L3MBTL4: variants seen among roughly 807,000 people sequenced by gnomAD.
L3MBTL4 encodes L3MBTL histone methyl-lysine binding protein 4.
A neutral mutation model predicts 84.5 loss-of-function variants in L3MBTL4; 70 were observed. The observed-to-expected ratio is 0.83, with a 90% CI of 0.68 to 1.01. The LOEUF (loss-of-function observed/expected upper bound fraction) is 1.01. Among genes scored for constraint, L3MBTL4 ranks in the 50% least tolerant of loss-of-function variants. The pLI, the probability that L3MBTL4 is intolerant of heterozygous loss-of-function variation, is 0.00. For synonymous variants in L3MBTL4, 274 were observed against 259.8 expected (o/e 1.05, Z -0.52); for missense variants, 715 against 754.8 (o/e 0.95, Z 0.62).
intron 13 of L3MBTL4, among the ~76,000 whole-genome samples, chr18:6,144,364 C>T (rs2042559385): frequency 6.6e-6 from 1 of 152,166 alleles, no homozygotes; most frequent in Admixed American, 6.5e-5. Context: ...CTTGCTATAT[C>T]AAGCAGCATG....
chr18:6,118,053 C>G (rs2059409006), intron 14 of L3MBTL4, among the ~76,000 whole-genome samples: 1 of 152,102 alleles, frequency 6.6e-6, no homozygotes, highest in Admixed American at 6.5e-5. Flanking sequence ...TACAAAGTCT[C>G]AGAACCAAGT....
intron 1 of L3MBTL4, among the ~76,000 whole-genome samples, chr18:6,324,011 C>A (rs966305073): frequency 6.6e-6 from 1 of 152,372 alleles, no homozygotes; most frequent in Middle Eastern, 3.4e-3. Context: ...CCTCAGGACA[C>A]TGCTCCCTGC....
intron 10 of L3MBTL4, among the ~76,000 whole-genome samples, chr18:6,221,899 TA>T (rs1414824677): frequency 6.6e-6 from 1 of 152,194 alleles, no homozygotes; most frequent in Non-Finnish European, 1.5e-5. Flanking sequence ...GTCATTCTGC[TA>T]GTAGGTTCTG....
intron 16 of L3MBTL4, among the ~76,000 whole-genome samples, chr18:6,005,369 A>T (rs904497958): frequency 5.3e-5 from 8 of 152,140 alleles, no homozygotes; most frequent in African/African-American, 1.7e-4. Flanking sequence ...AAAGGAGCAC[A>T]TGTACGGGTT....
rs544252399 is a variant in L3MBTL4 at position 6,165,358 on chromosome 18, C to T, written c.1096+6470G>A. ...CCACAAAGATACTCCTCGAGAAGAG[C>T]AATTCCAAGACACATAATTGTCAGA... On this transcript the variant is annotated intron_variant, in intron 13 of 18. Coordinates refer to ENST00000317931, the MANE Select transcript of L3MBTL4 (RefSeq NM_001330559.2). Among the ~76,000 whole-genome samples the T allele has an allele frequency of 7.9e-5, 12 of 152,238 alleles. No individual in the cohort carries two copies. In the East Asian group the frequency reaches 2.1e-3, roughly 27 times the overall value.
chr18:6,066,229 T>C (rs2057394423), intron 16 of L3MBTL4, among the ~76,000 whole-genome samples: 1 of 152,186 alleles, frequency 6.6e-6, no homozygotes, highest in Non-Finnish European at 1.5e-5. Context: ...ACCCTTGTTA[T>C]GATTTCGATT....
rs202201636 is a variant in L3MBTL4, at chr18:6,344,727, CAT to C, written c.-90-32673_-90-32672del. ...TCCCTGGTATGCAAGGATGGTTCAA[CAT>C]ATCAAAATCAATAAATGTCATATGC... On this transcript the variant is annotated intron_variant, in intron 1 of 18. Transcript: ENST00000317931. Among the ~76,000 whole-genome samples the C allele has an allele frequency of 9.3e-3, 1,418 of 152,160 alleles. 23 individuals carry two copies. The highest frequency in any genetic ancestry group is 0.031 in the African/African-American group (1,292 of 41,496).
Position 6,191,800 on chromosome 18 carries a change from C to T in L3MBTL4, c.982-19858G>A, listed in dbSNP as rs375923584. On this transcript the variant is annotated intron_variant, in intron 12 of 18. Coordinates refer to ENST00000317931, the MANE Select transcript of L3MBTL4 (RefSeq NM_001330559.2). ...TCCAGGAGTTCAAGACCAGCCTGCA[C>T]ACCATAATGGGACCTTTGTCACTAC... 2.2e-3 allele frequency among the ~76,000 whole-genome samples: 336 copies of T among 152,144 alleles called. 4 individuals carry two copies. The highest frequency in any genetic ancestry group is 7.7e-3 in the African/African-American group (321 of 41,500).
chr18:6,271,075 C>T (rs565483845), intron 4 of L3MBTL4, among the ~76,000 whole-genome samples: 22 of 152,202 alleles, frequency 1.4e-4, no homozygotes, highest in African/African-American at 4.6e-4. Context: ...AAATGAATGT[C>T]GAAGGGTACA....
At chr18:6,174,163 C>A (rs902494938) in intron 12 of L3MBTL4, among the ~76,000 whole-genome samples, 1 of 151,494 alleles carries the variant, frequency 6.6e-6, no homozygotes, top group Non-Finnish European at 1.5e-5. Flanking sequence ...AAAAAAAACT[C>A]CCACTATATG....
At chr18:5,984,271 T>C (rs1228598408) in intron 16 of L3MBTL4, among the ~76,000 whole-genome samples, 1 of 152,234 alleles carries the variant, frequency 6.6e-6, no homozygotes, top group Non-Finnish European at 1.5e-5. Context: ...GTTAATTCTT[T>C]GGAGGAATGC....
chr18:6,098,407 A>AT lies in L3MBTL4; in HGVS notation c.1200-4880dup, dbSNP rs562208851. ...CTCTTGTTCCCAAACGCCAATGGTC[A>AT]TTTTTTCTCTGTGACGTGACATTTA... On this transcript the variant is annotated intron_variant, in intron 14 of 18. Transcript: ENST00000317931. 6.6e-3 allele frequency among the ~76,000 whole-genome samples: 999 copies of AT among 152,220 alleles called. 6 individuals carry two copies. Among genetic ancestry groups the AT allele is most frequent in the Non-Finnish European group, 0.01 (695 of 68,012 alleles).
intron 13 of L3MBTL4, among the ~76,000 whole-genome samples, chr18:6,158,316 T>C (rs2043182905): frequency 6.6e-6 from 1 of 152,198 alleles, no homozygotes; most frequent in Admixed American, 6.5e-5. Context: ...ATTCTTTAGA[T>C]AATATGGCCC....
intron 1 of L3MBTL4, among the ~76,000 whole-genome samples, chr18:6,411,657 T>C (rs1231559379): frequency 6.6e-6 from 1 of 152,124 alleles, no homozygotes; most frequent in East Asian, 1.9e-4. Context: ...ACTCCTTTCC[T>C]GGGCATGGAC....
At chr18:6,384,653 C>T (rs1178353847) in intron 1 of L3MBTL4, among the ~76,000 whole-genome samples, 4 of 152,214 alleles carry the variant, frequency 2.6e-5, no homozygotes, top group African/African-American at 4.8e-5. Flanking sequence ...ATTCCCCACC[C>T]TGTTCTGAAT....
intron 12 of L3MBTL4, among the ~76,000 whole-genome samples, chr18:6,203,977 C>T (rs1235515087): frequency 2.0e-5 from 3 of 152,164 alleles, no homozygotes; most frequent in South Asian, 4.1e-4. Context: ...CTGCCGTGCC[C>T]GTTTAGGGTG....
chr18:6,222,578 A>C (rs890020811), intron 10 of L3MBTL4, among the ~76,000 whole-genome samples: 1 of 152,130 alleles, frequency 6.6e-6, no homozygotes, highest in Non-Finnish European at 1.5e-5. Context: ...CTGTCTCTCA[A>C]TACTTAAGAT....
rs374905910 is a variant in L3MBTL4, at chr18:6,304,835, G to A, written c.73-2878C>T. 1.3e-3 allele frequency among the ~76,000 whole-genome samples: 200 copies of A among 152,278 alleles called. 1 individual carries two copies. The South Asian group carries it at 0.016, about 12-fold the overall frequency. On this transcript the variant is annotated intron_variant, in intron 3 of 18. Coordinates refer to ENST00000317931, the MANE Select transcript of L3MBTL4 (RefSeq NM_001330559.2). The stretch of plus-strand genomic sequence containing the variant: ...AAAACAGTAAAAAGAAACAGCATTC[G>A]AGAGTTGATTATGTTCACACTACAG...
chr18:6,035,999 T>G (rs562272562), intron 16 of L3MBTL4, among the ~76,000 whole-genome samples: 3 of 152,342 alleles, frequency 2.0e-5, no homozygotes, highest in South Asian at 4.1e-4. Flanking sequence ...TGACAGTATC[T>G]TTGTGTTTTT....
Sources: gnomAD v4.1 joint callset for allele counts (sites outside exome capture counted in the v4.1 genomes callset) on GRCh38, gnomAD v4.1.1 for gene constraint, MANE v1.5 for transcripts, NCBI Gene and HGNC (gene_info 2026-07-23, HGNC 2026-07-21) for gene names.